The following GALNT14 variants were observed in gnomAD, a reference collection of about 807,000 sequenced individuals.
GALNT14 encodes the protein polypeptide N-acetylgalactosaminyltransferase 14.
Under a neutral mutation model 77.5 loss-of-function variants are expected in GALNT14, and 60 were observed. The ratio of observed to expected loss-of-function variants is 0.77; its 90% CI spans 0.63 to 0.96. GALNT14 has a LOEUF of 0.96. Ranked by LOEUF, GALNT14 falls within the 40% of genes least tolerant of loss-of-function variation. The pLI, the probability that GALNT14 is intolerant of heterozygous loss-of-function variation, is 0.00. For synonymous variants in GALNT14, 280 were observed against 281.7 expected (o/e 0.99, Z 0.06); for missense variants, 710 against 731.0 (o/e 0.97, Z 0.33).
chr2:30,959,300 G>A (rs922841939), intron 3 of GALNT14, among the ~76,000 whole-genome samples: 7 of 152,092 alleles, frequency 4.6e-5, no homozygotes, highest in Non-Finnish European at 8.8e-5. Flanking sequence ...TACCTCACCC[G>A]CCTGTGGTCC....
At chr2:31,109,392 AT>A in intron 1 of GALNT14, among the ~76,000 whole-genome samples, 1 of 152,344 alleles carries the variant, frequency 6.6e-6, no homozygotes, top group South Asian at 2.1e-4. Context: ...AAAATGCCTC[AT>A]CCCTTGTTCT....
At chr2:30,973,262 T>A (rs7561270) in intron 2 of GALNT14, among the ~76,000 whole-genome samples, 2,898 of 152,232 alleles carry the variant, frequency 0.019, 85 homozygotes, top group African/African-American at 0.066. Flanking sequence ...CTCCTCCACA[T>A]CCCTCCATCA....
At chr2:31,006,550 C>G (rs368450831) in intron 1 of GALNT14, among the ~76,000 whole-genome samples, 1 of 152,120 alleles carries the variant, frequency 6.6e-6, no homozygotes, top group East Asian at 1.9e-4. Flanking sequence ...AACCCAGGCA[C>G]GCAGATTCCA....
intron 1 of GALNT14, among the ~76,000 whole-genome samples, chr2:31,020,257 G>C (rs990841207): frequency 6.6e-6 from 1 of 152,160 alleles, no homozygotes; most frequent in Non-Finnish European, 1.5e-5. Flanking sequence ...TTTTAATTAT[G>C]TTCATTAAAA....
At chr2:31,070,802 T>C (rs1262415775) in intron 1 of GALNT14, among the ~76,000 whole-genome samples, 1 of 152,084 alleles carries the variant, frequency 6.6e-6, no homozygotes, top group Admixed American at 6.5e-5. Flanking sequence ...GAAGTTTGAG[T>C]AATTTGACGT....
the GALNT14 span, among the ~76,000 whole-genome samples, chr2:30,903,176 G>C: frequency 3.3e-5 from 5 of 152,322 alleles, no homozygotes; most frequent in Admixed American, 1.3e-4. Flanking sequence ...CAAGTCTATA[G>C]CAGTCTGCGG....
chr2:31,137,900 G>A (rs576288966), intron 1 of GALNT14, 58 bp downstream of exon 1: 355 of 1,554,500 alleles, frequency 2.3e-4, no homozygotes, highest in Non-Finnish European at 2.9e-4. Context: ...CCGGCACGCG[G>A]GCTGCGCGCC....
chr2:31,011,635 C>T (rs1022531208), intron 1 of GALNT14, among the ~76,000 whole-genome samples: 8 of 152,256 alleles, frequency 5.3e-5, no homozygotes, highest in Non-Finnish European at 8.8e-5. Context: ...GAGAGGGCGC[C>T]TCTCTGAAAG....
chr2:31,094,412 G>A lies in GALNT14; in HGVS notation c.129+43546C>T, dbSNP rs112108574. On this transcript the variant is annotated intron_variant, in intron 1 of 14. Coordinates refer to ENST00000349752, the MANE Select transcript of GALNT14 (RefSeq NM_024572.4). Reference sequence around the variant, plus strand: ...GTGATTAAAAAGCTTTATTGCTCACGCAAAGCCTGTTTGGTGGTCTCTTCA... The same window carrying A: ...GTGATTAAAAAGCTTTATTGCTCACACAAAGCCTGTTTGGTGGTCTCTTCA... Among the ~76,000 whole-genome samples, 649 of 152,296 alleles carry A rather than the reference G, an allele frequency of 4.3e-3. 4 individuals are homozygous for A. The highest frequency in any genetic ancestry group is 0.014 in the African/African-American group (582 of 41,560).
At chr2:31,044,762 CAAAAAT>C (rs1260396799) in intron 1 of GALNT14, among the ~76,000 whole-genome samples, 1 of 151,574 alleles carries the variant, frequency 6.6e-6, no homozygotes. Flanking sequence ...TACAAAAATA[CAAAAAT>C]ACAAAAATTA....
At chr2:31,072,163 T>C (rs1400513671) in intron 1 of GALNT14, among the ~76,000 whole-genome samples, 2 of 151,830 alleles carry the variant, frequency 1.3e-5, no homozygotes, top group Non-Finnish European at 2.9e-5. Flanking sequence ...TGCTGTGGGG[T>C]GCAGAGGTGG....
chr2:30,891,013 G>A, the GALNT14 span, among the ~76,000 whole-genome samples: 5 of 152,162 alleles, frequency 3.3e-5, no homozygotes, highest in East Asian at 7.7e-4. Flanking sequence ...ATAGTTGAGG[G>A]ATCATGGAAA....
intron 1 of GALNT14, among the ~76,000 whole-genome samples, chr2:31,086,973 A>G (rs1430435431): frequency 6.6e-6 from 1 of 152,226 alleles, no homozygotes; most frequent in Non-Finnish European, 1.5e-5. Flanking sequence ...GCACTTAATT[A>G]TGGTAACTGG....
At chr2:31,130,783 T>TGTGTGCGCGCGCGCGC (rs1181788023) in intron 1 of GALNT14, among the ~76,000 whole-genome samples, 2 of 118,634 alleles carry the variant, frequency 1.7e-5, no homozygotes, top group African/African-American at 3.7e-5. Context: ...TGTGTGTGTG[T>TGTGTGCGCGCGCGCGC]GCGCGCGCAC....
chr2:31,105,195 T>C (rs1403983126), intron 1 of GALNT14, among the ~76,000 whole-genome samples: 3 of 152,226 alleles, frequency 2.0e-5, no homozygotes, highest in Non-Finnish European at 4.4e-5. Context: ...ATTCCTATTT[T>C]ATTCAATAGG....
At position 31,011,908 on chromosome 2, in the gene GALNT14, G is replaced by A. The variant is rs76503425; in HGVS notation, c.130-18901C>T. ...CTCTGGCTGCCATAACGCTCAGCCG[G>A]GAAACACATCTCCAGAGATCCACAG... On this transcript the variant is annotated intron_variant, in intron 1 of 14. Coordinates refer to ENST00000349752, the MANE Select transcript of GALNT14 (RefSeq NM_024572.4). 7.8e-3 allele frequency among the ~76,000 whole-genome samples: 1,187 copies of A among 152,270 alleles called. 20 individuals carry two copies. Among genetic ancestry groups the A allele is most frequent in the African/African-American group, 0.027 (1,129 of 41,534 alleles).
intron 13 of GALNT14, among the ~76,000 whole-genome samples, chr2:30,921,591 GTC>G (rs1665033570): frequency 1.3e-5 from 2 of 152,184 alleles, no homozygotes; most frequent in Non-Finnish European, 2.9e-5. Flanking sequence ...AAGGCCAAGA[GTC>G]TGGCTTTTGT....
At chr2:31,089,514 A>G (rs1436014828) in intron 1 of GALNT14, among the ~76,000 whole-genome samples, 1 of 152,154 alleles carries the variant, frequency 6.6e-6, no homozygotes, top group East Asian at 1.9e-4. Context: ...CTGGAGACGG[A>G]CACGTTTTCT....
the GALNT14 span, among the ~76,000 whole-genome samples, chr2:30,904,452 C>T: frequency 7.9e-5 from 12 of 152,234 alleles, no homozygotes; most frequent in African/African-American, 2.6e-4. Flanking sequence ...GGGTGACGGA[C>T]GGCACCTGGA....
Sources: allele counts gnomAD v4.1 joint callset (sites outside exome capture counted in the v4.1 genomes callset), GRCh38; gene constraint gnomAD v4.1.1; transcripts MANE v1.5; gene names NCBI Gene and HGNC (gene_info 2026-07-23, HGNC 2026-07-21).